The following PDE1C variants were observed in gnomAD, a reference collection of about 807,000 sequenced individuals.
PDE1C encodes phosphodiesterase 1C.
In PDE1C, 62 loss-of-function variants were observed where a neutral mutation model predicts 93.1. The observed-to-expected ratio is 0.67, with a 90% confidence interval of 0.54 to 0.82. PDE1C has a LOEUF of 0.82. Among genes scored for constraint, PDE1C ranks in the 40% least tolerant of loss-of-function variants. PDE1C has a pLI of 0.00. For missense variants in PDE1C, 742 were observed against 884.6 expected (o/e 0.84, Z 2.04); for synonymous variants, 325 against 310.1 (o/e 1.05, Z -0.50).
chr7:32,009,068 A>G (rs1423781557), intron 2 of PDE1C, among the ~76,000 whole-genome samples: 1 of 152,240 alleles, frequency 6.6e-6, no homozygotes, highest in Admixed American at 6.5e-5. Context: ...GACTAGATTT[A>G]TCCTCCCATA....
At chr7:32,201,398 T>C (rs533704326) in intron 2 of PDE1C, among the ~76,000 whole-genome samples, 51 of 152,178 alleles carry the variant, frequency 3.4e-4, no homozygotes, top group Non-Finnish European at 3.7e-4. Context: ...AAAAATTCTA[T>C]TCATATTTTT....
At chr7:32,395,336 TC>T (rs1784822244) in intron 1 of PDE1C, among the ~76,000 whole-genome samples, 1 of 152,136 alleles carries the variant, frequency 6.6e-6, no homozygotes, top group Non-Finnish European at 1.5e-5. Flanking sequence ...AGGTGACTCT[TC>T]AACTGAGTTT....
intron 16 of PDE1C, among the ~76,000 whole-genome samples, chr7:31,807,601 G>C (rs1321942477): frequency 6.6e-6 from 1 of 151,904 alleles, no homozygotes; most frequent in African/African-American, 2.4e-5. Flanking sequence ...TTTGGGACTT[G>C]ATTTATTCTG....
At chr7:31,831,040 C>T (rs1156533188) in intron 11 of PDE1C, among the ~76,000 whole-genome samples, 1 of 152,130 alleles carries the variant, frequency 6.6e-6, no homozygotes, top group African/African-American at 2.4e-5. Context: ...GAAGATGGCA[C>T]CTGTCAATGC....
chr7:31,909,308 C>A (rs1402014119), intron 2 of PDE1C, among the ~76,000 whole-genome samples: 1 of 152,114 alleles, frequency 6.6e-6, no homozygotes, highest in Non-Finnish European at 1.5e-5. Context: ...AATTACAAGA[C>A]ATAAATATGT....
the PDE1C span, chr7:31,643,603 G>T: frequency 1.2e-6 from 2 of 1,613,978 alleles, no homozygotes; most frequent in Non-Finnish European, 1.7e-6. Flanking sequence ...TCCTGTTACC[G>T]CAACAGAAAC....
At chr7:31,749,624 C>G (rs1013261194), downstream of PDE1C, among the ~76,000 whole-genome samples, 1 of 151,902 alleles carries the variant, frequency 6.6e-6, no homozygotes, top group Non-Finnish European at 1.5e-5. Context: ...GGAGAAAGGT[C>G]TTGGTAGAAG....
chr7:31,842,416 G>A (rs1388090559), intron 9 of PDE1C, among the ~76,000 whole-genome samples: 2 of 151,994 alleles, frequency 1.3e-5, no homozygotes, highest in South Asian at 2.1e-4. Flanking sequence ...ACTATCCAAG[G>A]CTGGATATTT....
At chr7:32,242,168 G>C (rs1808586556) in intron 1 of PDE1C, among the ~76,000 whole-genome samples, 1 of 152,162 alleles carries the variant, frequency 6.6e-6, no homozygotes, top group South Asian at 2.1e-4. Context: ...CAAGCAAATA[G>C]AGGGGAGAGA....
chr7:31,732,893 G>T, the PDE1C span, among the ~76,000 whole-genome samples: 2 of 152,078 alleles, frequency 1.3e-5, no homozygotes, highest in African/African-American at 4.8e-5. Flanking sequence ...TTAGGTGAAT[G>T]AAAAAAGTGA....
chr7:32,101,339 C>A (rs1798027585), intron 3 of PDE1C, among the ~76,000 whole-genome samples: 1 of 152,116 alleles, frequency 6.6e-6, no homozygotes, highest in Admixed American at 6.5e-5. Context: ...TTTCTGGATT[C>A]TTTGAAACCA....
intron 2 of PDE1C, among the ~76,000 whole-genome samples, chr7:32,173,986 T>C (rs972927954): frequency 1.3e-3 from 192 of 152,266 alleles, no homozygotes; most frequent in African/African-American, 4.4e-3. Context: ...AAAATTAAAG[T>C]ACATCAGTGG....
At chr7:31,850,129 C>T (rs1232102860) in intron 8 of PDE1C, among the ~76,000 whole-genome samples, 1 of 152,190 alleles carries the variant, frequency 6.6e-6, no homozygotes, top group Non-Finnish European at 1.5e-5. Context: ...GACAAACTTA[C>T]TCCCGGGGCC....
intron 1 of PDE1C, among the ~76,000 whole-genome samples, chr7:32,376,356 C>A (rs961504054): frequency 1.3e-5 from 2 of 152,150 alleles, no homozygotes; most frequent in African/African-American, 4.8e-5. Flanking sequence ...TAATTTCATG[C>A]ATAAAGTAAG....
intron 2 of PDE1C, among the ~76,000 whole-genome samples, chr7:32,198,195 T>C (rs1804750100): frequency 6.6e-6 from 1 of 152,200 alleles, no homozygotes; most frequent in Non-Finnish European, 1.5e-5. Flanking sequence ...GATGTCTTTA[T>C]TTTGCCCTCA....
chr7:31,809,540 T>C (rs892031459), intron 15 of PDE1C, among the ~76,000 whole-genome samples: 6 of 152,110 alleles, frequency 3.9e-5, no homozygotes, highest in Non-Finnish European at 5.9e-5. Context: ...AATACAGTTA[T>C]TATTATTCTA....
chr7:32,210,522 G>A (rs776596582), intron 1 of PDE1C, among the ~76,000 whole-genome samples: 3 of 152,144 alleles, frequency 2.0e-5, no homozygotes, highest in Non-Finnish European at 2.9e-5. Context: ...TTATTATATC[G>A]TTTTACAAAG....
chr7:32,139,897 G>A (rs1389336727), intron 3 of PDE1C, among the ~76,000 whole-genome samples: 1 of 124,582 alleles, frequency 8.0e-6, no homozygotes, highest in African/African-American at 3.1e-5. Flanking sequence ...TTGTGACTGT[G>A]AGGAGAGCTG....
chr7:32,256,171 C>CA (rs989729995), intron 1 of PDE1C, among the ~76,000 whole-genome samples: 10 of 152,138 alleles, frequency 6.6e-5, no homozygotes, highest in African/African-American at 2.4e-4. Flanking sequence ...AAGCTTCACA[C>CA]AAAAAAAATT....
Sources: gnomAD v4.1 joint callset for allele counts (sites outside exome capture counted in the v4.1 genomes callset) on GRCh38, gnomAD v4.1.1 for gene constraint, MANE v1.5 for transcripts, NCBI Gene and HGNC (gene_info 2026-07-23, HGNC 2026-07-21) for gene names.